MLLT1: variants seen among roughly 807,000 people sequenced by gnomAD.
MLLT1 encodes the protein protein ENL.
Under a neutral mutation model 55.1 loss-of-function variants are expected in MLLT1, and 11 were observed. The ratio of observed to expected loss-of-function variants is 0.20; its 90% CI spans 0.13 to 0.33. MLLT1 has a LOEUF of 0.33. MLLT1 is among the 10% of genes least tolerant of loss of function. The probability of loss-of-function intolerance (pLI) is 1.00; values close to 1 mark genes in which losing one functional copy is unlikely to be tolerated. For missense variants in MLLT1, 536 were observed against 760.6 expected, an observed-to-expected ratio of 0.70 and a Z score of 3.47; for synonymous variants, 323 against 320.1, an observed-to-expected ratio of 1.01 and a Z score of -0.10.
chr19:6,227,124 T>G lies in MLLT1; in HGVS notation c.421-22A>C. On this transcript the variant is annotated intron_variant, in intron 4 of 11. Coordinates refer to ENST00000252674, the MANE Select transcript of MLLT1 (RefSeq NM_005934.4). The surrounding 1 kb of genome is among the most constrained non-coding windows in gnomAD (Gnocchi z 5.1). ...TCACCTAGTGACAGAGAAGAGACAG[T>G]CATTATCGATGGGCAGGGGGCAGGG... is the stretch of plus-strand genomic sequence containing the variant. 6.3e-7 allele frequency: 1 copy of G among 1,583,330 alleles called. No individual in the cohort carries two copies. Among genetic ancestry groups the G allele is most frequent in the African/African-American group, 1.4e-5 (1 of 72,958 alleles).
chr19:6,276,983 C>A (rs575013026), intron 1 of MLLT1, among the ~76,000 whole-genome samples: 2 of 152,204 alleles, frequency 1.3e-5, no homozygotes, highest in Admixed American at 6.5e-5. Context: ...ATCAAAGCCT[C>A]CCAAAGCCAG....
At chr19:6,259,005 C>G (rs577567751) in intron 3 of MLLT1, among the ~76,000 whole-genome samples, 1 of 152,220 alleles carries the variant, frequency 6.6e-6, no homozygotes, top group South Asian at 2.1e-4. Flanking sequence ...GAGAAGCAGA[C>G]GCAGCCAGAA....
chr19:6,269,644 C>T (rs1447650097), intron 2 of MLLT1, among the ~76,000 whole-genome samples: 4 of 152,140 alleles, frequency 2.6e-5, no homozygotes, highest in African/African-American at 4.8e-5. Flanking sequence ...TCCCGGGTCC[C>T]GGGAAGCTCT....
At chr19:6,268,684 C>T (rs1046079563) in intron 2 of MLLT1, among the ~76,000 whole-genome samples, 2 of 152,048 alleles carry the variant, frequency 1.3e-5, no homozygotes, top group Non-Finnish European at 2.9e-5. Flanking sequence ...TTGATGGGGC[C>T]GCTATCTGCC....
chr19:6,216,637 G>A lies in MLLT1; in HGVS notation c.1199-124C>T, dbSNP rs557286228. On this transcript the variant is annotated intron_variant, in intron 7 of 11. Transcript: ENST00000252674. Reference sequence around the variant, plus strand: ...TGGTGACCCCCAAATGCACACGCCCGTCCACCTGGGGGTCCCTGTGCCCAT... The same window carrying A: ...TGGTGACCCCCAAATGCACACGCCCATCCACCTGGGGGTCCCTGTGCCCAT... 1.3e-4 allele frequency: 84 copies of A among 648,380 alleles called. No individual in the cohort carries two copies. In the East Asian group the frequency reaches 1.7e-3, roughly 13 times the overall value. 40.2% of individuals were successfully genotyped at this position (648,380 alleles called of 1,614,324 possible).
At chr19:6,250,302 CT>C (rs375731609) in intron 3 of MLLT1, among the ~76,000 whole-genome samples, 49 of 152,264 alleles carry the variant, frequency 3.2e-4, no homozygotes, top group African/African-American at 1.1e-3. Flanking sequence ...AATTGGAATG[CT>C]TGTGTGTTGC....
chr19:6,255,895 G>A (rs913148989), intron 3 of MLLT1, among the ~76,000 whole-genome samples: 1 of 152,208 alleles, frequency 6.6e-6, no homozygotes, highest in Non-Finnish European at 1.5e-5. Flanking sequence ...CGGGGCCCAA[G>A]GCGAAAGGAT....
rs1244191341 is a variant in MLLT1 at position 6,272,948 on chromosome 19, TTTTA to T, written c.13-2193_13-2190del. Reference sequence around the variant, plus strand: ...CATGTACATGATACAGATGTACAATTTTTATTTGTCAACTAAAAATTAATTTTTA... The same window carrying T: ...CATGTACATGATACAGATGTACAATTTTTGTCAACTAAAAATTAATTTTTA... On this transcript the variant is annotated intron_variant, in intron 1 of 11. Transcript: ENST00000252674. Among the ~76,000 whole-genome samples the T allele has an allele frequency of 4.6e-5, 7 of 152,352 alleles. No individual in the cohort carries two copies. The East Asian group carries it at 7.7e-4, about 17-fold the overall frequency.
chr19:6,269,523 G>A (rs1038375912), intron 2 of MLLT1, among the ~76,000 whole-genome samples: 2 of 152,228 alleles, frequency 1.3e-5, no homozygotes, highest in African/African-American at 2.4e-5. Flanking sequence ...GCAGGCTGAG[G>A]GAATCGCAGG....
rs527405958 is a variant in MLLT1, at chr19:6,229,147, C to G, written c.420+1423G>C. Among the ~76,000 whole-genome samples the G allele has an allele frequency of 2.6e-5, 4 of 152,228 alleles. No individual in the cohort carries two copies. The highest frequency in any genetic ancestry group is 1.3e-4 in the Admixed American group (2 of 15,310). On this transcript the variant is annotated intron_variant, in intron 4 of 11. Coordinates refer to ENST00000252674, the MANE Select transcript of MLLT1 (RefSeq NM_005934.4). This position sits in a 1 kb window ranked among gnomAD's most constrained non-coding sequence, Gnocchi z 5.2. ...AACCTCCGGGGACGCCCAAAAACAC[C>G]TACTGCAAACGTGGTGAAAACACCT...
rs1041401848 is a variant in MLLT1, at chr19:6,241,152, C to T, written c.277-10439G>A. Among the ~76,000 whole-genome samples, 6 of 152,212 alleles carry T rather than the reference C, an allele frequency of 3.9e-5. No individual in the cohort carries two copies. In the East Asian group the frequency reaches 1.2e-3, roughly 29 times the overall value. On this transcript the variant is annotated intron_variant, in intron 3 of 11. Transcript: ENST00000252674. ...GAGCTGAGACCTGCGAGTGGTCAGT[C>T]CCGGGGCCTCCTGCCTCCCTCATGC...
chr19:6,213,313 G>A (rs1330999127), intron 11 of MLLT1, 24 bp downstream of exon 11: 1 of 1,611,956 alleles, frequency 6.2e-7, no homozygotes, highest in Admixed American at 1.7e-5. Flanking sequence ...CCTCTGCCGG[G>A]CAGGACCCTC....
intron 2 of MLLT1, among the ~76,000 whole-genome samples, chr19:6,269,544 T>C (rs2091377941): frequency 6.6e-6 from 1 of 152,200 alleles, no homozygotes; most frequent in Non-Finnish European, 1.5e-5. Context: ...TGGGCATCCC[T>C]TCAGAATGAC....
At chr19:6,223,184 C>T (rs1467648052) in intron 5 of MLLT1, among the ~76,000 whole-genome samples, 1 of 152,282 alleles carries the variant, frequency 6.6e-6, no homozygotes, top group East Asian at 1.9e-4. Flanking sequence ...GGCTTCCTTT[C>T]TGAGCCCCGT....
intron 7 of MLLT1, 109 bp downstream of exon 7, chr19:6,217,845 T>G: frequency 6.8e-7 from 1 of 1,461,150 alleles, no homozygotes; most frequent in Non-Finnish European, 9.1e-7. Flanking sequence ...TGTACAGATC[T>G]GCAGGGCCCA....
intron 1 of MLLT1, among the ~76,000 whole-genome samples, chr19:6,275,951 G>C (rs76142227): frequency 6.6e-6 from 1 of 152,246 alleles, no homozygotes; most frequent in Non-Finnish European, 1.5e-5. Context: ...CTCCAGGGGG[G>C]AGGGGGAGGA....
In MLLT1 at chr19:6,222,183, C is replaced by T; in HGVS notation, c.1048G>A (p.Ala350Thr). 2 of 1,585,924 alleles carry T rather than the reference C, an allele frequency of 1.3e-6. No homozygotes were observed. The highest frequency in any genetic ancestry group is 1.7e-6 in the Non-Finnish European group (2 of 1,166,344). ...KVKAESEPREAKKALEVEESN... is the reference protein window; with the variant it reads ...KVKAESEPRETKKALEVEESN... ...TCCTCCACCTCCAGGGCCTTTTTGG[C>T]CTCCCGGGGCTCACTCTCGGCCTTC... Residue 350 changes from alanine (A) to threonine (T), a missense_variant, in exon 6 of 12, where the codon GCC becomes ACC. Physicochemically the swap from Ala to Thr is moderately conservative, Grantham distance 58 (BLOSUM62 0). This residue lies in a region of MLLT1 where 449 missense variants were observed against 489.0 expected (regional missense o/e 0.92). Coordinates refer to ENST00000252674, the MANE Select transcript of MLLT1 (RefSeq NM_005934.4). This position sits in a 1 kb window ranked among gnomAD's most constrained non-coding sequence, Gnocchi z 4.1.
intron 8 of MLLT1, among the ~76,000 whole-genome samples, chr19:6,215,434 T>A (rs936165327): frequency 1.3e-5 from 2 of 152,178 alleles, no homozygotes; most frequent in African/African-American, 4.8e-5. Context: ...TCTAAGTCCC[T>A]GTCGGAGTCG....
intron 3 of MLLT1, among the ~76,000 whole-genome samples, chr19:6,258,397 C>T (rs2091276176): frequency 6.6e-6 from 1 of 152,082 alleles, no homozygotes; most frequent in African/African-American, 2.4e-5. Flanking sequence ...GCAGACATGC[C>T]CAGAACAGCA....
Sources: gnomAD v4.1 joint callset for allele counts (sites outside exome capture counted in the v4.1 genomes callset) on GRCh38, gnomAD v4.1.1 for gene constraint, gnomAD v4.1.1 regional missense constraint, Gnocchi (gnomAD v3.1) non-coding constraint, MANE v1.5 for transcripts, NCBI Gene and HGNC (gene_info 2026-07-23, HGNC 2026-07-21) for gene names.